The following FCRL2 variants were observed in gnomAD, a reference collection of about 807,000 sequenced individuals.
The protein encoded by FCRL2 is Fc receptor-like protein 2.
In FCRL2, 48 loss-of-function variants were observed where a neutral mutation model predicts 59.8. The ratio of observed to expected loss-of-function variants is 0.80; its 90% CI spans 0.64 to 1.02. FCRL2 has a LOEUF of 1.02. FCRL2 is among the 50% of genes least tolerant of loss of function. FCRL2 has a pLI of 0.00. For synonymous variants in FCRL2, 251 were observed against 229.5 expected (o/e 1.09, Z -0.85); for missense variants, 658 against 597.3 (o/e 1.10, Z -1.06).
chr1:157,750,687 T>C (rs962397193), intron 7 of FCRL2, among the ~76,000 whole-genome samples: 1 of 152,214 alleles, frequency 6.6e-6, no homozygotes, highest in East Asian at 1.9e-4. Context: ...GCTTGTTTAG[T>C]CTTCATGGAA....
intron 1 of FCRL2, 60 bp from the exon 2 acceptor site, chr1:157,775,855 T>C: frequency 6.4e-7 from 1 of 1,573,844 alleles, no homozygotes; most frequent in Non-Finnish European, 8.7e-7. Context: ...AATTTATAAA[T>C]TTATATTACT....
intron 2 of FCRL2, among the ~76,000 whole-genome samples, chr1:157,773,240 C>A (rs922353677): frequency 6.6e-6 from 1 of 152,220 alleles, no homozygotes; most frequent in Non-Finnish European, 1.5e-5. Context: ...AGAAATGGAA[C>A]AACAAAGAGC....
At chr1:157,768,773 C>T (rs550622125) in intron 4 of FCRL2, 72 bp from the exon 5 acceptor site, 2 of 1,405,330 alleles carry the variant, frequency 1.4e-6, no homozygotes, top group Non-Finnish European at 9.6e-7. Context: ...TGATTCCATT[C>T]TCTAATGCAA....
At chr1:157,758,409 C>T (rs74119546) in intron 7 of FCRL2, among the ~76,000 whole-genome samples, 2,692 of 152,100 alleles carry the variant, frequency 0.018, 69 homozygotes, top group African/African-American at 0.061. Flanking sequence ...CCTAGGAATA[C>T]AACTAACCAA....
At chr1:157,768,970 A>G (rs899664238) in intron 4 of FCRL2, 3 of 354,716 alleles carry the variant, frequency 8.5e-6, no homozygotes, top group South Asian at 1.3e-4. Context: ...AAACTGTTCA[A>G]TTTTTTGGAT....
chr1:157,760,046 T>C (rs1270195278), intron 7 of FCRL2, among the ~76,000 whole-genome samples: 1 of 152,208 alleles, frequency 6.6e-6, no homozygotes, highest in Non-Finnish European at 1.5e-5. Context: ...TCAACCTAGA[T>C]GCCCATCAAC....
chr1:157,767,104 T>C, intron 6 of FCRL2, 127 bp downstream of exon 6: 2 of 1,332,290 alleles, frequency 1.5e-6, no homozygotes, highest in South Asian at 1.4e-5. Context: ...TTCAGGTTAG[T>C]GTGGGGAGAA....
At chr1:157,767,955 A>G (rs866856478) in intron 5 of FCRL2, 13 of 274,116 alleles carry the variant, frequency 4.7e-5, no homozygotes, top group Non-Finnish European at 8.1e-5. Flanking sequence ...GGAAATGGCT[A>G]CTTGGCTACA....
At chr1:157,760,846 T>A (rs1649045980) in intron 7 of FCRL2, among the ~76,000 whole-genome samples, 1 of 150,642 alleles carries the variant, frequency 6.6e-6, no homozygotes, top group Non-Finnish European at 1.5e-5. Context: ...CTATTTGGTA[T>A]CATGCTGATT....
intron 9 of FCRL2, 100 bp downstream of exon 9, chr1:157,748,775 G>T: frequency 8.3e-7 from 1 of 1,208,028 alleles, no homozygotes; most frequent in South Asian, 1.3e-5. Flanking sequence ...CTGGGCCTCT[G>T]GTGTTGGGGT....
intron 2 of FCRL2, among the ~76,000 whole-genome samples, chr1:157,771,007 G>A (rs184855446): frequency 2.6e-5 from 4 of 152,228 alleles, no homozygotes; most frequent in East Asian, 3.9e-4. Flanking sequence ...TCGCTCTACC[G>A]TCACATGATG....
At chr1:157,756,079 G>A (rs1404094449) in intron 7 of FCRL2, among the ~76,000 whole-genome samples, 1 of 152,196 alleles carries the variant, frequency 6.6e-6, no homozygotes, top group Non-Finnish European at 1.5e-5. Context: ...GTTTATTTTA[G>A]GTTGACATAG....
intron 3 of FCRL2, 105 bp from the exon 4 acceptor site, chr1:157,770,255 G>C (rs1649896989): frequency 1.4e-6 from 2 of 1,463,014 alleles, no homozygotes; most frequent in East Asian, 4.6e-5. Context: ...TTCAGAGCTA[G>C]ACACCTCTCA....
intron 7 of FCRL2, among the ~76,000 whole-genome samples, chr1:157,751,237 G>C (rs1167416970): frequency 1.3e-5 from 2 of 152,178 alleles, no homozygotes; most frequent in African/African-American, 2.4e-5. Flanking sequence ...AGGAGATAGA[G>C]GCACTATCTT....
At chr1:157,775,465 C>T (rs1650334075) in intron 2 of FCRL2, among the ~76,000 whole-genome samples, 3 of 152,168 alleles carry the variant, frequency 2.0e-5, no homozygotes, top group South Asian at 4.1e-4. Flanking sequence ...CATTACAGTC[C>T]TATGGGCAGG....
At chr1:157,764,261 A>G (rs1055631698) in intron 7 of FCRL2, among the ~76,000 whole-genome samples, 3 of 152,128 alleles carry the variant, frequency 2.0e-5, no homozygotes, top group African/African-American at 7.2e-5. Context: ...TAAAGGGATC[A>G]ATCCAGCAAG....
At chr1:157,771,319 T>C (rs947707203) in intron 2 of FCRL2, among the ~76,000 whole-genome samples, 2 of 152,176 alleles carry the variant, frequency 1.3e-5, no homozygotes, top group African/African-American at 4.8e-5. Flanking sequence ...GGGCACTTTA[T>C]TTTTTCATCC....
At chr1:157,749,439 A>G (rs1314679983) in intron 8 of FCRL2, among the ~76,000 whole-genome samples, 1 of 152,220 alleles carries the variant, frequency 6.6e-6, no homozygotes, top group Non-Finnish European at 1.5e-5. Flanking sequence ...GTAATCCTAT[A>G]CAAGATAACA....
intron 4 of FCRL2, 180 bp from the exon 5 acceptor site, chr1:157,768,881 A>T: frequency 1.5e-6 from 1 of 650,954 alleles, no homozygotes; most frequent in Non-Finnish European, 2.5e-6. Context: ...GTGGATAAAG[A>T]CATTTGAATG....
Sources: gnomAD v4.1 joint callset for allele counts (sites outside exome capture counted in the v4.1 genomes callset) on GRCh38, gnomAD v4.1.1 for gene constraint, MANE v1.5 for transcripts, NCBI Gene and HGNC (gene_info 2026-07-23, HGNC 2026-07-21) for gene names.